Variants in CNTNAP2 observed in about 807,000 individuals in gnomAD.
CNTNAP2 encodes the protein contactin-associated protein-like 2.
Under a neutral mutation model 155.2 loss-of-function variants are expected in CNTNAP2, and 98 were observed. That is an observed-to-expected ratio of 0.63 (90% CI 0.54 to 0.75). The LOEUF is 0.75. Ranked by LOEUF, CNTNAP2 falls within the 30% of genes least tolerant of loss-of-function variation. The probability of loss-of-function intolerance (pLI) is 0.00; values close to 1 mark genes in which losing one functional copy is unlikely to be tolerated. For missense variants in CNTNAP2, 1,727 were observed against 1,688.1 expected (o/e 1.02, Z -0.40); for synonymous variants, 651 against 631.2 (o/e 1.03, Z -0.47).
intron 3 of CNTNAP2, among the ~76,000 whole-genome samples, chr7:146,999,651 C>T (rs997156204): frequency 6.6e-6 from 1 of 151,440 alleles, no homozygotes; most frequent in East Asian, 2.0e-4. Context: ...CTTTGCAGGG[C>T]ATAGTATTTT....
chr7:146,354,429 G>A (rs372608610), intron 1 of CNTNAP2, among the ~76,000 whole-genome samples: 2 of 70,898 alleles, frequency 2.8e-5, no homozygotes, highest in African/African-American at 5.4e-5. Flanking sequence ...TTTTTTTTTT[G>A]TTTGAGACAG....
chr7:146,947,429 T>TATATATAC (rs1491352550), intron 3 of CNTNAP2, among the ~76,000 whole-genome samples: 11 of 130,342 alleles, frequency 8.4e-5, no homozygotes, highest in African/African-American at 3.1e-4. Context: ...TATATATATA[T>TATATATAC]ACATACACAC....
At chr7:147,863,610 A>G (rs1799171985) in intron 13 of CNTNAP2, among the ~76,000 whole-genome samples, 1 of 151,996 alleles carries the variant, frequency 6.6e-6, no homozygotes, top group South Asian at 2.1e-4. Context: ...TGACTTTTTA[A>G]TGATCACCAT....
chr7:148,170,159 T>G (rs1020166809), intron 17 of CNTNAP2, among the ~76,000 whole-genome samples: 17 of 152,242 alleles, frequency 1.1e-4, no homozygotes, highest in Non-Finnish European at 2.1e-4. Flanking sequence ...TCAGTATGTT[T>G]ATAGTGACCA....
intron 5 of CNTNAP2, among the ~76,000 whole-genome samples, chr7:147,117,986 A>G (rs1305078787): frequency 6.6e-6 from 1 of 152,166 alleles, no homozygotes; most frequent in Non-Finnish European, 1.5e-5. Context: ...ACAAATGTCA[A>G]ATATACTGGT....
chr7:147,982,479 A>T (rs920729784), intron 15 of CNTNAP2, among the ~76,000 whole-genome samples: 2 of 152,182 alleles, frequency 1.3e-5, no homozygotes, highest in Admixed American at 6.5e-5. Context: ...AGAGCTACGG[A>T]GGTGACCCAG....
At chr7:146,335,441 T>C (rs1332551457) in intron 1 of CNTNAP2, among the ~76,000 whole-genome samples, 2 of 152,034 alleles carry the variant, frequency 1.3e-5, no homozygotes, top group African/African-American at 4.8e-5. Flanking sequence ...ACTTGCAGAG[T>C]AGTTGACCTT....
At chr7:146,305,534 T>C (rs907853856) in intron 1 of CNTNAP2, among the ~76,000 whole-genome samples, 6 of 152,116 alleles carry the variant, frequency 3.9e-5, no homozygotes, top group Non-Finnish European at 4.4e-5. Context: ...TGGAGTTTCC[T>C]GGAGGTCCAC....
intron 1 of CNTNAP2, among the ~76,000 whole-genome samples, chr7:146,367,631 T>A (rs1256504495): frequency 6.6e-6 from 1 of 152,142 alleles, no homozygotes; most frequent in Non-Finnish European, 1.5e-5. Flanking sequence ...TTGTATCAAA[T>A]TTTTCATGTC....
At position 148,271,235 on chromosome 7, in the gene CNTNAP2, T is replaced by C. The variant is rs568275620; in HGVS notation, c.3475+4109T>C. On this transcript the variant is annotated intron_variant, in intron 21 of 23. Coordinates refer to ENST00000361727, the MANE Select transcript of CNTNAP2 (RefSeq NM_014141.6). ...GTTGTATAGAATAAGGAGCTAAGGC[T>C]CAAAACTATTAAGTTTTCTTCTTAA... Among the ~76,000 whole-genome samples, 20 of 152,346 alleles carry C rather than the reference T, an allele frequency of 1.3e-4. No homozygotes were observed. The South Asian group carries it at 2.7e-3, about 21-fold the overall frequency.
chr7:148,003,382 C>A (rs1801928349), intron 15 of CNTNAP2, among the ~76,000 whole-genome samples: 2 of 152,082 alleles, frequency 1.3e-5, no homozygotes, highest in Non-Finnish European at 2.9e-5. Flanking sequence ...ATCTCCCTAA[C>A]CTAACCTTTC....
At chr7:146,725,187 A>C (rs34636358) in intron 1 of CNTNAP2, among the ~76,000 whole-genome samples, 23,544 of 151,134 alleles carry the variant, frequency 0.16, 2,840 homozygotes, top group African/African-American at 0.34. Context: ...TTACAAGGAC[A>C]CTGGTCATAT....
chr7:147,629,211 G>A (rs1795040253), intron 12 of CNTNAP2, among the ~76,000 whole-genome samples: 2 of 152,124 alleles, frequency 1.3e-5, no homozygotes, highest in South Asian at 4.1e-4. Context: ...AGAACAGCCT[G>A]GCCAATATGG....
At chr7:147,161,227 A>G (rs979047327) in intron 8 of CNTNAP2, among the ~76,000 whole-genome samples, 5 of 152,134 alleles carry the variant, frequency 3.3e-5, no homozygotes, top group Non-Finnish European at 7.4e-5. Flanking sequence ...TGCTTAAGAC[A>G]TGCAATATAT....
rs114073151 is a variant in CNTNAP2, at chr7:147,329,395, A to G, written c.1498+29105A>G. On this transcript the variant is annotated intron_variant, in intron 9 of 23. Transcript: ENST00000361727. ...AATTATACATTCTTGTAATTTATAT[A>G]TACATTCTTATAATTTATAAGAATG... 1.7e-3 allele frequency among the ~76,000 whole-genome samples: 255 copies of G among 152,172 alleles called. 1 individual carries two copies. The highest frequency in any genetic ancestry group is 5.9e-3 in the African/African-American group (247 of 41,548).
chr7:147,236,317 C>G (rs563873641), intron 8 of CNTNAP2, among the ~76,000 whole-genome samples: 2 of 152,202 alleles, frequency 1.3e-5, no homozygotes, highest in African/African-American at 2.4e-5. Flanking sequence ...CCCACTGGCT[C>G]TCTGATTTTC....
chr7:147,386,316 T>G (rs1372841010), intron 9 of CNTNAP2, among the ~76,000 whole-genome samples: 1 of 152,202 alleles, frequency 6.6e-6, no homozygotes, highest in Non-Finnish European at 1.5e-5. Context: ...TGTAGCAGGC[T>G]TGAGTATCTC....
intron 8 of CNTNAP2, among the ~76,000 whole-genome samples, chr7:147,138,917 A>G (rs968648135): frequency 2.6e-5 from 4 of 152,050 alleles, no homozygotes; most frequent in Non-Finnish European, 4.4e-5. Context: ...AAAGGTGCCA[A>G]TGAGAACCAG....
At chr7:147,007,634 C>CT (rs1798548522) in intron 3 of CNTNAP2, among the ~76,000 whole-genome samples, 1 of 151,092 alleles carries the variant, frequency 6.6e-6, no homozygotes, top group South Asian at 2.1e-4. Context: ...AAAAAGCCAC[C>CT]TTTTTTTCTG....
Sources: allele counts gnomAD v4.1 joint callset (sites outside exome capture counted in the v4.1 genomes callset), GRCh38; gene constraint gnomAD v4.1.1; transcripts MANE v1.5; gene names NCBI Gene and HGNC (gene_info 2026-07-23, HGNC 2026-07-21).